LDLRAD3: variants seen among roughly 807,000 people sequenced by gnomAD.
The protein encoded by LDLRAD3 is low density lipoprotein receptor class A domain containing 3.
LDLRAD3 carries 20 observed loss-of-function variants against 29.4 expected under a neutral mutation model. The observed-to-expected ratio is 0.68, with a 90% CI of 0.48 to 0.99. The LOEUF is 0.99. LDLRAD3 is among the 50% of genes least tolerant of loss of function. The pLI is 0.00. For missense variants in LDLRAD3, 420 were observed against 454.3 expected (o/e 0.92, Z 0.69); for synonymous variants, 157 against 192.7 (o/e 0.81, Z 1.53).
intron 1 of LDLRAD3, among the ~76,000 whole-genome samples, chr11:35,991,867 T>TTGTGTGTGTGTGTGTGTGTGTGTGTG (rs33941156): frequency 1.1e-4 from 9 of 82,768 alleles, no homozygotes; most frequent in African/African-American, 2.4e-4. Flanking sequence ...GAATGGTTGT[T>TTGTGTGTGTGTGTGTGTGTGTGTGTG]TGTGTGTGTG....
intron 2 of LDLRAD3, among the ~76,000 whole-genome samples, chr11:36,047,203 A>G (rs1367866096): frequency 2.0e-5 from 3 of 152,226 alleles, no homozygotes; most frequent in East Asian, 3.8e-4. Flanking sequence ...ACTAAAAACA[A>G]TAATTAGTTG....
At chr11:36,203,725 G>C (rs1855161241) in intron 4 of LDLRAD3, among the ~76,000 whole-genome samples, 1 of 148,430 alleles carries the variant, frequency 6.7e-6, no homozygotes, top group Admixed American at 6.7e-5. Flanking sequence ...ATGATTACGG[G>C]GTCTTGTTTT....
intron 1 of LDLRAD3, among the ~76,000 whole-genome samples, chr11:35,976,303 G>T (rs1431650760): frequency 6.6e-6 from 1 of 152,116 alleles, no homozygotes; most frequent in Non-Finnish European, 1.5e-5. Flanking sequence ...AGGCATAGTT[G>T]TAGGGATTAG....
In LDLRAD3 at chr11:36,010,852, C is replaced by T. The variant is rs141914136; in HGVS notation, c.47-25251C>T. Among the ~76,000 whole-genome samples the T allele has an allele frequency of 5.0e-3, 763 of 152,164 alleles. 7 individuals carry two copies. Among genetic ancestry groups the T allele is most frequent in the African/African-American group, 0.017 (716 of 41,536 alleles). On this transcript the variant is annotated intron_variant, in intron 1 of 5. Transcript: ENST00000315571. Reference sequence around the variant, plus strand: ...TGGAGTTTCGCTCTTGTTGCCTAGGCTGGAGTGTGATGGTGCGATCTTGGC... The same window carrying T: ...TGGAGTTTCGCTCTTGTTGCCTAGGTTGGAGTGTGATGGTGCGATCTTGGC...
At position 36,198,956 on chromosome 11, in the gene LDLRAD3, A is replaced by T. The variant is rs548119553; in HGVS notation, c.455-28129A>T. On this transcript the variant is annotated intron_variant, in intron 4 of 5. Coordinates refer to ENST00000315571, the MANE Select transcript of LDLRAD3 (RefSeq NM_174902.4). ...CACTCTGTCGCCCAGGCTGGAATGG[A>T]ATGGCGCGATCTTGGCTCACTGCAA... Among the ~76,000 whole-genome samples the T allele has an allele frequency of 3.3e-5, 5 of 151,940 alleles. No homozygotes were observed. In the East Asian group the frequency reaches 7.8e-4, roughly 24 times the overall value.
chr11:36,018,560 C>A (rs1468466973), intron 1 of LDLRAD3, among the ~76,000 whole-genome samples: 1 of 152,096 alleles, frequency 6.6e-6, no homozygotes, highest in African/African-American at 2.4e-5. Flanking sequence ...AAAAACCCAG[C>A]CTTTTATGTG....
intron 1 of LDLRAD3, among the ~76,000 whole-genome samples, chr11:36,000,849 T>G (rs1412080468): frequency 6.6e-6 from 1 of 151,974 alleles, no homozygotes; most frequent in African/African-American, 2.4e-5. Context: ...GCTGCTGTAG[T>G]GGTTCCAGCA....
At chr11:35,990,677 A>C (rs993871697) in intron 1 of LDLRAD3, among the ~76,000 whole-genome samples, 3 of 151,552 alleles carry the variant, frequency 2.0e-5, no homozygotes, top group Admixed American at 6.6e-5. Context: ...CGGCCTCCCA[A>C]AGTGCTGGGA....
intron 1 of LDLRAD3, among the ~76,000 whole-genome samples, chr11:36,025,624 T>TA: frequency 6.6e-6 from 1 of 151,658 alleles, no homozygotes; most frequent in East Asian, 1.9e-4. Context: ...CTCCTGACCT[T>TA]GTGATCTGCC....
chr11:36,143,240 CGCTGTCTCCG>C (rs1854113389), intron 4 of LDLRAD3, among the ~76,000 whole-genome samples: 2 of 152,298 alleles, frequency 1.3e-5, no homozygotes, highest in Admixed American at 6.5e-5. Context: ...AGGCACAACG[CGCTGTCTCCG>C]GCAGCCTTGC....
intron 1 of LDLRAD3, among the ~76,000 whole-genome samples, chr11:36,016,563 C>G (rs1309358575): frequency 6.6e-6 from 1 of 152,200 alleles, no homozygotes; most frequent in Non-Finnish European, 1.5e-5. Flanking sequence ...CCTAAATCAT[C>G]TTGGCCGCTT....
At chr11:35,954,329 A>T (rs1851174615) in intron 1 of LDLRAD3, among the ~76,000 whole-genome samples, 1 of 152,186 alleles carries the variant, frequency 6.6e-6, no homozygotes, top group African/African-American at 2.4e-5. Flanking sequence ...TACCCATAAA[A>T]TGTGACTTGG....
intron 4 of LDLRAD3, among the ~76,000 whole-genome samples, chr11:36,109,605 A>G (rs959472395): frequency 3.9e-5 from 6 of 152,224 alleles, no homozygotes; most frequent in African/African-American, 9.7e-5. Flanking sequence ...CTTTTGGAAT[A>G]GAGAGATCTT....
At chr11:35,974,748 G>C (rs1026920649) in intron 1 of LDLRAD3, among the ~76,000 whole-genome samples, 1 of 152,204 alleles carries the variant, frequency 6.6e-6, no homozygotes, top group African/African-American at 2.4e-5. Flanking sequence ...CATGATGGGA[G>C]CTGCAATACA....
chr11:36,000,521 A>T (rs1851810399), intron 1 of LDLRAD3, among the ~76,000 whole-genome samples: 1 of 152,184 alleles, frequency 6.6e-6, no homozygotes, highest in Admixed American at 6.5e-5. Context: ...TGATGGCAGA[A>T]TACTAAAATT....
chr11:35,973,052 C>CAAA (rs775477148), intron 1 of LDLRAD3, among the ~76,000 whole-genome samples: 4 of 48,854 alleles, frequency 8.2e-5, no homozygotes, highest in African/African-American at 2.3e-4. Context: ...GACTCCATCT[C>CAAA]AAAAAAAAAA....
At chr11:36,071,082 C>G (rs1342204400) in intron 2 of LDLRAD3, among the ~76,000 whole-genome samples, 1 of 152,098 alleles carries the variant, frequency 6.6e-6, no homozygotes. Flanking sequence ...GGAGTGTCCC[C>G]TACTTTGCAG....
chr11:35,973,047 C>A (rs1274642377), intron 1 of LDLRAD3, among the ~76,000 whole-genome samples: 2 of 122,190 alleles, frequency 1.6e-5, no homozygotes, highest in Non-Finnish European at 3.2e-5. Context: ...AGCGAGACTC[C>A]ATCTCAAAAA....
At chr11:35,972,162 A>G (rs1295256294) in intron 1 of LDLRAD3, among the ~76,000 whole-genome samples, 2 of 152,134 alleles carry the variant, frequency 1.3e-5, no homozygotes, top group Non-Finnish European at 2.9e-5. Context: ...CTTGTTAAGC[A>G]CAAAACTCTG....
Sources: gnomAD v4.1 joint callset for allele counts (sites outside exome capture counted in the v4.1 genomes callset) on GRCh38, gnomAD v4.1.1 for gene constraint, MANE v1.5 for transcripts, NCBI Gene and HGNC (gene_info 2026-07-23, HGNC 2026-07-21) for gene names.